The following MYO3B variants were observed in gnomAD, a reference collection of about 807,000 sequenced individuals.
MYO3B encodes the protein myosin IIIB, also known as myosin-IIIb.
MYO3B carries 156 observed loss-of-function variants against 174.6 expected under a neutral mutation model. The ratio of observed to expected loss-of-function variants is 0.89; its 90% CI spans 0.78 to 1.02. MYO3B has a LOEUF of 1.02. MYO3B is among the 50% of genes least tolerant of loss of function. The probability of loss-of-function intolerance (pLI) is 0.00; values close to 1 mark genes in which losing one functional copy is unlikely to be tolerated. For synonymous variants in MYO3B, 563 were observed against 569.1 expected (o/e 0.99, Z 0.15); for missense variants, 1,632 against 1,639.4 (o/e 1.00, Z 0.08).
intron 28 of MYO3B, among the ~76,000 whole-genome samples, chr2:170,504,880 T>C (rs892975661): frequency 2.0e-5 from 3 of 152,308 alleles, no homozygotes; most frequent in Middle Eastern, 3.4e-3. Context: ...TGACAGCCAG[T>C]GGTCTTGGTG....
intron 22 of MYO3B, among the ~76,000 whole-genome samples, chr2:170,425,859 A>C (rs955838313): frequency 6.6e-6 from 1 of 152,100 alleles, no homozygotes; most frequent in Non-Finnish European, 1.5e-5. Context: ...AGTCTTGAAT[A>C]CTCGGCCTCA....
At chr2:170,433,841 AT>A (rs1223739712) in intron 22 of MYO3B, among the ~76,000 whole-genome samples, 3 of 152,202 alleles carry the variant, frequency 2.0e-5, no homozygotes, top group Non-Finnish European at 4.4e-5. Flanking sequence ...CTTACAATAT[AT>A]CCCTGTCGTT....
intron 8 of MYO3B, among the ~76,000 whole-genome samples, chr2:170,336,267 G>A (rs1007281333): frequency 1.3e-5 from 2 of 151,682 alleles, no homozygotes; most frequent in African/African-American, 4.8e-5. Context: ...TCTAGTATAT[G>A]AAACAAGGTG....
At chr2:170,581,285 A>T (rs1465912380) in intron 32 of MYO3B, among the ~76,000 whole-genome samples, 1 of 152,280 alleles carries the variant, frequency 6.6e-6, no homozygotes, top group South Asian at 2.1e-4. Flanking sequence ...TCACTTTCTC[A>T]TGTGTTACTT....
intron 28 of MYO3B, among the ~76,000 whole-genome samples, chr2:170,506,849 A>G (rs973297580): frequency 4.6e-5 from 7 of 152,174 alleles, no homozygotes; most frequent in African/African-American, 1.7e-4. Context: ...CAAGAGGGGG[A>G]CTGTAAGTAA....
At chr2:170,456,913 A>T (rs1413673730) in intron 23 of MYO3B, among the ~76,000 whole-genome samples, 1 of 152,250 alleles carries the variant, frequency 6.6e-6, no homozygotes, top group Non-Finnish European at 1.5e-5. Flanking sequence ...ACAAACCTAG[A>T]TGGTATAGCT....
At chr2:170,389,148 G>A (rs1213164901) in intron 14 of MYO3B, among the ~76,000 whole-genome samples, 1 of 152,188 alleles carries the variant, frequency 6.6e-6, no homozygotes, top group Non-Finnish European at 1.5e-5. Flanking sequence ...TATGCAACAT[G>A]GGCATAATAA....
intron 32 of MYO3B, among the ~76,000 whole-genome samples, chr2:170,603,837 T>C (rs1694658733): frequency 6.6e-6 from 1 of 152,246 alleles, no homozygotes; most frequent in African/African-American, 2.4e-5. Flanking sequence ...TGTATCATCA[T>C]GGACCACATA....
At chr2:170,473,139 C>CTTTTTTTTTTTTTTTTTTTTTTTTT (rs66837903) in intron 25 of MYO3B, among the ~76,000 whole-genome samples, 17 of 96,440 alleles carry the variant, frequency 1.8e-4, no homozygotes, top group Non-Finnish European at 3.2e-4. Flanking sequence ...TTTTTCTTTT[C>CTTTTTTTTTTTTTTTTTTTTTTTTT]TTTTTTTTTT....
At chr2:170,572,577 T>C (rs1692509113) in intron 32 of MYO3B, among the ~76,000 whole-genome samples, 1 of 147,364 alleles carries the variant, frequency 6.8e-6, no homozygotes. Context: ...ATTGCACCAC[T>C]GCACTCCAGC....
At chr2:170,619,737 C>CTTTTTGTTTTT (rs1695740361) in intron 32 of MYO3B, among the ~76,000 whole-genome samples, 1 of 50,778 alleles carries the variant, frequency 2.0e-5, no homozygotes, top group Non-Finnish European at 3.4e-5. Context: ...CTGCCATATT[C>CTTTTTGTTTTT]TTTTTTTTTT....
intron 22 of MYO3B, among the ~76,000 whole-genome samples, chr2:170,427,940 T>A (rs1558991345): frequency 1.3e-5 from 2 of 152,210 alleles, no homozygotes; most frequent in African/African-American, 2.4e-5. Flanking sequence ...CTTGCCAATA[T>A]GCAAACAGAA....
intron 32 of MYO3B, among the ~76,000 whole-genome samples, chr2:170,647,502 C>T (rs1338425206): frequency 6.6e-6 from 1 of 152,154 alleles, no homozygotes; most frequent in Non-Finnish European, 1.5e-5. Flanking sequence ...ATCAGTGACA[C>T]TCAGATTTCT....
intron 25 of MYO3B, among the ~76,000 whole-genome samples, chr2:170,482,857 C>T (rs1434423574): frequency 6.6e-6 from 1 of 152,220 alleles, no homozygotes; most frequent in Non-Finnish European, 1.5e-5. Context: ...AAGAGAACTT[C>T]TGTGACCACC....
intron 17 of MYO3B, 60 bp downstream of exon 17, chr2:170,400,374 G>T: frequency 4.0e-6 from 6 of 1,500,448 alleles, no homozygotes; most frequent in South Asian, 1.2e-5. Flanking sequence ...TTTAGGCTCT[G>T]TAAAATATAA....
At chr2:170,620,896 T>C (rs1461891634) in intron 32 of MYO3B, among the ~76,000 whole-genome samples, 3 of 152,194 alleles carry the variant, frequency 2.0e-5, no homozygotes, top group African/African-American at 7.2e-5. Flanking sequence ...CAAATTTTTT[T>C]TTCTTTTTTT....
intron 1 of MYO3B, among the ~76,000 whole-genome samples, chr2:170,185,789 T>C (rs2092454708): frequency 6.6e-6 from 1 of 152,180 alleles, no homozygotes; most frequent in East Asian, 1.9e-4. Context: ...AGAATATCTT[T>C]CCCTTTTCAT....
At chr2:170,238,303 T>TA (rs1347474407) in intron 7 of MYO3B, among the ~76,000 whole-genome samples, 1 of 152,196 alleles carries the variant, frequency 6.6e-6, no homozygotes, top group African/African-American at 2.4e-5. Flanking sequence ...TCAAATTATT[T>TA]ACCTGTGTGT....
In MYO3B at chr2:170,217,198, A is replaced by T; in HGVS notation, c.527-121A>T. ...TGCAGCAGAACTGAGTAGTTGTGACAGAGACCATATGGCCCACAAAGCCTA... is the reference window on the plus strand; with the variant it reads ...TGCAGCAGAACTGAGTAGTTGTGACTGAGACCATATGGCCCACAAAGCCTA... On this transcript the variant is annotated intron_variant, in intron 5 of 34. Transcript: ENST00000408978. 4 of 804,594 alleles carry T rather than the reference A, an allele frequency of 5.0e-6. No individual in the cohort carries two copies. In the South Asian group the frequency reaches 5.8e-5, roughly 12 times the overall value. The allele number at this position is 804,594 out of a possible 1,614,324, so 49.8% of individuals were successfully genotyped here. A position where few individuals can be genotyped will look rare whatever the true frequency, so the allele number is the denominator to read the frequency against.
Sources: gnomAD v4.1 joint callset for allele counts (sites outside exome capture counted in the v4.1 genomes callset) on GRCh38, gnomAD v4.1.1 for gene constraint, MANE v1.5 for transcripts, NCBI Gene and HGNC (gene_info 2026-07-23, HGNC 2026-07-21) for gene names.